HSF5: variants seen among roughly 807,000 people sequenced by gnomAD.
HSF5 encodes the protein heat shock factor protein 5.
A neutral mutation model predicts 50.8 loss-of-function variants in HSF5; 5 were observed. That is an observed-to-expected ratio of 0.10 (90% confidence interval 0.05 to 0.21). The LOEUF (loss-of-function observed/expected upper bound fraction) is 0.21. HSF5 is among the 10% of genes least tolerant of loss of function. HSF5 has a pLI of 1.00. For synonymous variants in HSF5, 307 were observed against 307.4 expected, an observed-to-expected ratio of 1.00 and a Z score of 0.02; for missense variants, 564 against 762.6, an observed-to-expected ratio of 0.74 and a Z score of 3.07.
chr17:58,461,510 C>T (rs760968509), intron 4 of HSF5, among the ~76,000 whole-genome samples: 2 of 151,956 alleles, frequency 1.3e-5, no homozygotes, highest in Admixed American at 6.6e-5. Context: ...AATATATACA[C>T]ATATCAGGCT....
chr17:58,454,191 C>T (rs899498825), intron 5 of HSF5, among the ~76,000 whole-genome samples: 7 of 151,174 alleles, frequency 4.6e-5, no homozygotes, highest in South Asian at 2.1e-4. Flanking sequence ...TCCCCCTCTG[C>T]GAGAAACACC....
At chr17:58,452,368 C>T (rs1974653180) in intron 5 of HSF5, among the ~76,000 whole-genome samples, 1 of 152,172 alleles carries the variant, frequency 6.6e-6, no homozygotes, top group Non-Finnish European at 1.5e-5. Flanking sequence ...TAAGAGACTA[C>T]TATGAACAAC....
At chr17:58,487,593 C>G (rs1975203378) in intron 1 of HSF5, 132 bp downstream of exon 1, 5 of 1,279,726 alleles carry the variant, frequency 3.9e-6, no homozygotes, top group Non-Finnish European at 4.9e-6. Flanking sequence ...GGAAGCACAG[C>G]GGCCAATGGG....
intron 1 of HSF5, among the ~76,000 whole-genome samples, chr17:58,486,880 A>ATTGTAATGT (rs1975188856): frequency 7.0e-6 from 1 of 143,764 alleles, no homozygotes; most frequent in African/African-American, 2.6e-5. Context: ...CTTGCCTGCT[A>ATTGTAATGT]TTGTAATGTT....
At chr17:58,460,119 G>A (rs1322403187) in intron 4 of HSF5, among the ~76,000 whole-genome samples, 1 of 152,076 alleles carries the variant, frequency 6.6e-6, no homozygotes, top group East Asian at 1.9e-4. Flanking sequence ...CCAGGCTCAA[G>A]CTATCCTCCC....
At position 58,479,956 on chromosome 17, in the gene HSF5, A is replaced by G; in HGVS notation, c.862T>C (p.Ser288Pro). The part of the protein sequence containing the change: ...VQQGPQTMVS[S>P]SQKYSNYTPS... ...GTGTAGTTACTGTATTTTTGGGAGG[A>G]GCTGACCATTGTTTGAGGACCTTGT... is the stretch of plus-strand genomic sequence containing the variant. Residue 288 changes from serine (S) to proline (P), a missense_variant, in exon 2 of 6, where the codon TCC (serine) becomes CCC (proline). Physicochemically the swap from Ser to Pro is moderately conservative, Grantham distance 74. Coordinates refer to ENST00000323777, the MANE Select transcript of HSF5 (RefSeq NM_001080439.3). 2 of 1,613,990 alleles carry G rather than the reference A, an allele frequency of 1.2e-6. No homozygotes were observed. Among genetic ancestry groups the G allele is most frequent in the South Asian group, 2.2e-5 (2 of 91,068 alleles).
intron 5 of HSF5, among the ~76,000 whole-genome samples, chr17:58,433,935 T>C (rs1160462600): frequency 6.6e-6 from 1 of 150,382 alleles, no homozygotes; most frequent in African/African-American, 2.4e-5. Flanking sequence ...TTTTTTTAGA[T>C]GGAGCTTCAC....
chr17:58,432,297 G>A (rs1974375506), intron 5 of HSF5, among the ~76,000 whole-genome samples: 1 of 151,840 alleles, frequency 6.6e-6, no homozygotes, highest in African/African-American at 2.4e-5. Context: ...GGGAATTATA[G>A]AAAAATAGCA....
intron 5 of HSF5, among the ~76,000 whole-genome samples, chr17:58,423,470 C>CATG (rs1179654143): frequency 2.8e-5 from 4 of 144,946 alleles, no homozygotes; most frequent in African/African-American, 5.0e-5. Flanking sequence ...TCTAGAGCAA[C>CATG]ATGACCAGGG....
intron 5 of HSF5, among the ~76,000 whole-genome samples, chr17:58,438,703 T>C (rs1288557310): frequency 3.9e-5 from 6 of 152,046 alleles, no homozygotes; most frequent in Non-Finnish European, 7.4e-5. Context: ...AGGTACCTAG[T>C]GTGCAAGCAG....
chr17:58,441,120 A>G (rs1974493427), intron 5 of HSF5, among the ~76,000 whole-genome samples: 1 of 152,224 alleles, frequency 6.6e-6, no homozygotes. Context: ...ACAAGTCTCA[A>G]TAAATATAAA....
At chr17:58,430,536 C>T (rs951647315) in intron 5 of HSF5, among the ~76,000 whole-genome samples, 4 of 152,158 alleles carry the variant, frequency 2.6e-5, no homozygotes, top group Non-Finnish European at 5.9e-5. Flanking sequence ...AGTGTGTCTG[C>T]AGCTGGGGTA....
intron 5 of HSF5, among the ~76,000 whole-genome samples, chr17:58,454,069 GGTGACAGAGTGAGACTCTGTCA>G (rs1974675815): frequency 2.0e-5 from 3 of 152,084 alleles, no homozygotes; most frequent in Admixed American, 2.0e-4. Context: ...ACTTCAGCCT[GGTGACAGAGTGAGACTCTGTCA>G]CAAACACTCT....
intron 5 of HSF5, among the ~76,000 whole-genome samples, chr17:58,430,928 C>T (rs1055935943): frequency 6.6e-6 from 1 of 152,312 alleles, no homozygotes; most frequent in South Asian, 2.1e-4. Context: ...GTATAGCCTA[C>T]TACATACTGA....
In HSF5 at chr17:58,477,140, G is replaced by C. The variant is rs1975026328; in HGVS notation, c.925+2753C>G. Among the ~76,000 whole-genome samples, 2 of 138,788 alleles carry C rather than the reference G, an allele frequency of 1.4e-5. 1 individual carries two copies. The highest frequency in any genetic ancestry group is 4.5e-4 in the South Asian group (2 of 4,402). 91.1% of individuals were successfully genotyped at this position (138,788 alleles called of 152,430 possible). On this transcript the variant is annotated intron_variant, in intron 2 of 5. Transcript: ENST00000323777. ...ACTTTTTTTTTTTTTTTTTTTTTGA[G>C]ATGGAGTCCTGCTCTGTCACCCAGG... is the stretch of plus-strand genomic sequence containing the variant.
chr17:58,456,182 C>T (rs907590462), intron 5 of HSF5, among the ~76,000 whole-genome samples: 1 of 151,376 alleles, frequency 6.6e-6, no homozygotes, highest in South Asian at 2.1e-4. Flanking sequence ...CACACACACA[C>T]ACACACACAC....
chr17:58,484,746 T>C (rs573342992), intron 1 of HSF5, among the ~76,000 whole-genome samples: 18 of 152,284 alleles, frequency 1.2e-4, no homozygotes, highest in African/African-American at 4.1e-4. Context: ...CTGCTGCTTT[T>C]TCAACTTACT....
At chr17:58,483,139 A>G (rs967694969) in intron 1 of HSF5, among the ~76,000 whole-genome samples, 2 of 152,084 alleles carry the variant, frequency 1.3e-5, no homozygotes, top group Non-Finnish European at 2.9e-5. Context: ...TACAGCCTAC[A>G]GAGTACAACA....
intron 5 of HSF5, among the ~76,000 whole-genome samples, chr17:58,443,610 T>C (rs1281090110): frequency 2.0e-5 from 3 of 152,234 alleles, no homozygotes; most frequent in Non-Finnish European, 4.4e-5. Context: ...CCTTTGAATA[T>C]ACTGTTCTTA....
Sources: gnomAD v4.1 joint callset for allele counts (sites outside exome capture counted in the v4.1 genomes callset) on GRCh38, gnomAD v4.1.1 for gene constraint, MANE v1.5 for transcripts, NCBI Gene and HGNC (gene_info 2026-07-23, HGNC 2026-07-21) for gene names.